Variants in KCNK13 observed in about 807,000 individuals in gnomAD.
KCNK13 encodes the protein potassium two pore domain channel subfamily K member 13, also known as potassium channel subfamily K member 13.
In KCNK13, 12 loss-of-function variants were observed where a neutral mutation model predicts 23.4. That is an observed-to-expected ratio of 0.51 (90% CI 0.33 to 0.83). The LOEUF (loss-of-function observed/expected upper bound fraction) is 0.83. KCNK13 is among the 40% of genes least tolerant of loss of function. KCNK13 has a pLI of 0.02. For synonymous variants in KCNK13, 231 were observed against 229.5 expected (o/e 1.01, Z -0.06); for missense variants, 463 against 556.3 (o/e 0.83, Z 1.69).
intron 1 of KCNK13, among the ~76,000 whole-genome samples, chr14:90,182,235 A>C (rs1456506185): frequency 6.6e-6 from 1 of 152,170 alleles, no homozygotes; most frequent in African/African-American, 2.4e-5. Flanking sequence ...GAGAAAGGAA[A>C]ATTGTATTTA....
At chr14:90,113,291 A>C (rs1231577973) in intron 1 of KCNK13, among the ~76,000 whole-genome samples, 3 of 152,194 alleles carry the variant, frequency 2.0e-5, no homozygotes, top group African/African-American at 7.2e-5. Flanking sequence ...GAAAGAATTA[A>C]AGTAGCTTGT....
chr14:90,072,951 C>A (rs1333004386), intron 1 of KCNK13, among the ~76,000 whole-genome samples: 1 of 152,028 alleles, frequency 6.6e-6, no homozygotes, highest in East Asian at 1.9e-4. Flanking sequence ...TAACAACAAC[C>A]CCATAAGATT....
intron 1 of KCNK13, among the ~76,000 whole-genome samples, chr14:90,090,930 C>T (rs559419195): frequency 6.6e-6 from 1 of 152,300 alleles, no homozygotes; most frequent in East Asian, 1.9e-4. Flanking sequence ...CATTAAACCT[C>T]TTTTTTGCCA....
At chr14:90,087,148 ATATATAT>A (rs1324680973) in intron 1 of KCNK13, among the ~76,000 whole-genome samples, 77 of 79,794 alleles carry the variant, frequency 9.6e-4, no homozygotes, top group African/African-American at 3.8e-3. Flanking sequence ...ATATATATAT[ATATATAT>A]TTTTTTTTTT....
chr14:90,108,656 T>G (rs934347994), intron 1 of KCNK13, among the ~76,000 whole-genome samples: 2 of 152,158 alleles, frequency 1.3e-5, no homozygotes, highest in African/African-American at 4.8e-5. Context: ...AAGTTAAGCA[T>G]AGTTGGTCTT....
chr14:90,083,177 T>C (rs1470550536), intron 1 of KCNK13, among the ~76,000 whole-genome samples: 2 of 152,220 alleles, frequency 1.3e-5, no homozygotes, highest in Non-Finnish European at 2.9e-5. Flanking sequence ...TTAACTGATA[T>C]ATGATTTGCA....
chr14:90,110,647 A>G (rs1218833673), intron 1 of KCNK13, among the ~76,000 whole-genome samples: 1 of 152,116 alleles, frequency 6.6e-6, no homozygotes, highest in African/African-American at 2.4e-5. Context: ...GATTCAGGGC[A>G]TGTCTTTCTA....
At chr14:90,065,941 G>A (rs1889002918) in intron 1 of KCNK13, among the ~76,000 whole-genome samples, 2 of 152,102 alleles carry the variant, frequency 1.3e-5, no homozygotes, top group Admixed American at 6.6e-5. Flanking sequence ...TATCAGAAAC[G>A]AGGAAACATA....
chr14:90,122,340 CAG>C (rs1321911190), intron 1 of KCNK13, among the ~76,000 whole-genome samples: 6 of 143,832 alleles, frequency 4.2e-5, no homozygotes, highest in Non-Finnish European at 7.5e-5. Flanking sequence ...TTTTTTTAGA[CAG>C]AGTCTTACTC....
chr14:90,147,527 T>A (rs2140431498), intron 1 of KCNK13, among the ~76,000 whole-genome samples: 1 of 152,254 alleles, frequency 6.6e-6, no homozygotes, highest in East Asian at 1.9e-4. Flanking sequence ...ATGGCAGACA[T>A]CTTTTCTTAG....
chr14:90,113,089 A>AT (rs745942523), intron 1 of KCNK13, among the ~76,000 whole-genome samples: 24 of 151,700 alleles, frequency 1.6e-4, no homozygotes, highest in Non-Finnish European at 2.6e-4. Context: ...AATTTTTTAT[A>AT]TTTTTTGTAG....
At chr14:90,131,501 A>G (rs1278601964) in intron 1 of KCNK13, among the ~76,000 whole-genome samples, 1 of 152,122 alleles carries the variant, frequency 6.6e-6, no homozygotes, top group Non-Finnish European at 1.5e-5. Flanking sequence ...AAGTGCTGGG[A>G]TTACAGGTGT....
intron 1 of KCNK13, among the ~76,000 whole-genome samples, chr14:90,163,215 G>A (rs910502274): frequency 2.0e-5 from 3 of 152,216 alleles, no homozygotes; most frequent in Non-Finnish European, 2.9e-5. Context: ...GCTTGTCAAG[G>A]AGAAGGAACA....
intron 1 of KCNK13, among the ~76,000 whole-genome samples, chr14:90,079,023 G>A (rs1211506327): frequency 6.6e-6 from 1 of 152,246 alleles, no homozygotes; most frequent in Admixed American, 6.5e-5. Flanking sequence ...CTGCCCTGCA[G>A]GTACTGCATG....
intron 1 of KCNK13, among the ~76,000 whole-genome samples, chr14:90,137,502 A>T (rs1297612438): frequency 1.3e-5 from 2 of 151,630 alleles, no homozygotes; most frequent in African/African-American, 4.8e-5. Context: ...TGTATTTTTC[A>T]TAGAGAAGGG....
chr14:90,181,098 G>A (rs951670117), intron 1 of KCNK13, among the ~76,000 whole-genome samples: 9 of 152,128 alleles, frequency 5.9e-5, no homozygotes, highest in Middle Eastern at 3.4e-3. Flanking sequence ...CTCATGATCC[G>A]CCCACCTCGG....
At chr14:90,064,579 T>C (rs1888986176) in intron 1 of KCNK13, among the ~76,000 whole-genome samples, 1 of 152,160 alleles carries the variant, frequency 6.6e-6, no homozygotes, top group African/African-American at 2.4e-5. Flanking sequence ...CCCATCCTTT[T>C]CTCATCTGAG....
chr14:90,151,814 G>A (rs966964075), intron 1 of KCNK13, among the ~76,000 whole-genome samples: 1 of 152,108 alleles, frequency 6.6e-6, no homozygotes, highest in Non-Finnish European at 1.5e-5. Context: ...TATGGTATAA[G>A]GGTCCAGTTT....
At chr14:90,153,472 AT>A (rs1487120610) in intron 1 of KCNK13, among the ~76,000 whole-genome samples, 1 of 152,228 alleles carries the variant, frequency 6.6e-6, no homozygotes, top group Non-Finnish European at 1.5e-5. Context: ...AACCCGGTAC[AT>A]GCTGGATAAA....
Sources: gnomAD v4.1 joint callset for allele counts (sites outside exome capture counted in the v4.1 genomes callset) on GRCh38, gnomAD v4.1.1 for gene constraint, MANE v1.5 for transcripts, NCBI Gene and HGNC (gene_info 2026-07-23, HGNC 2026-07-21) for gene names.